Variants in CTR9 observed in about 807,000 individuals in gnomAD.
The protein encoded by CTR9 is RNA polymerase-associated protein CTR9 homolog.
Under a neutral mutation model 152.1 loss-of-function variants are expected in CTR9, and 41 were observed. The observed-to-expected ratio is 0.27, with a 90% CI of 0.21 to 0.35. CTR9 has a LOEUF of 0.35. Among genes scored for constraint, CTR9 ranks in the 10% least tolerant of loss-of-function variants. The pLI is 1.00. For synonymous variants in CTR9, 476 were observed against 496.2 expected (o/e 0.96, Z 0.54); for missense variants, 917 against 1,424.4 (o/e 0.64, Z 5.73).
In CTR9 at chr11:10,767,638, G is replaced by A. The variant is rs906028904; in HGVS notation, c.1687-168G>A. On this transcript the variant is annotated intron_variant, in intron 13 of 24. Transcript: ENST00000361367. This position sits in a 1 kb window ranked among gnomAD's most constrained non-coding sequence, Gnocchi z 4.0. ...AACTTAGCTTTAGCATTAGTAGTTC[G>A]ATAAATTTGGATTGCCATGCAAAAA... The A allele has an allele frequency of 4.6e-6, 3 of 647,622 alleles. No individual in the cohort carries two copies. The highest frequency in any genetic ancestry group is 5.4e-6 in the Non-Finnish European group (2 of 373,808). 40.1% of individuals were successfully genotyped at this position (647,622 alleles called of 1,614,324 possible).
At chr11:10,756,962 G>GTT in intron 5 of CTR9, 124 bp downstream of exon 5, 144 of 655,114 alleles carry the variant, frequency 2.2e-4, no homozygotes, top group Admixed American at 4.6e-4. Context: ...TCAGAATCAA[G>GTT]TTTTTTTTTT....
chr11:10,761,376 T>TGC (rs143592522), intron 6 of CTR9, among the ~76,000 whole-genome samples: 2 of 152,252 alleles, frequency 1.3e-5, no homozygotes, highest in South Asian at 4.2e-4. Flanking sequence ...TAGCAGGATG[T>TGC]TACCAACCCA....
intron 5 of CTR9, among the ~76,000 whole-genome samples, chr11:10,758,130 G>C (rs1055607990): frequency 6.6e-6 from 1 of 152,184 alleles, no homozygotes; most frequent in Non-Finnish European, 1.5e-5. Context: ...ACCAGGGACT[G>C]ACTAATCACG....
intron 19 of CTR9, 154 bp from the exon 20 acceptor site, chr11:10,772,366 A>G (rs1241921299): frequency 1.5e-5 from 9 of 605,738 alleles, no homozygotes; most frequent in Non-Finnish European, 1.7e-5. Context: ...TAAACAAAAA[A>G]GGAAGAAAAA....
intron 9 of CTR9, 84 bp downstream of exon 9, chr11:10,763,963 A>C: frequency 7.5e-7 from 1 of 1,327,550 alleles, no homozygotes; most frequent in Admixed American, 2.0e-5. Context: ...TTGCTAGTAG[A>C]AATATGATAG....
intron 7 of CTR9, among the ~76,000 whole-genome samples, chr11:10,762,462 G>T (rs1037523152): frequency 1.3e-5 from 2 of 152,190 alleles, no homozygotes; most frequent in African/African-American, 4.8e-5. Flanking sequence ...TTTTGAACTA[G>T]GTTTTTAGGA....
rs780976546 is a variant in CTR9 at position 10,764,614 on chromosome 11, G to A, written c.1480G>A (p.Ala494Thr). ...GGAACACGATGAGCATTACTATAAC[G>A]CCATTTCCGTTACCACGTCATATAA... ...EAEHDEHYYN[A>T]ISVTTSYNLA... The change falls in exon 12 of 25, where the codon GCC becomes ACC. Residue 494 changes from alanine (A) to threonine (T), a missense_variant. Coordinates refer to ENST00000361367, the MANE Select transcript of CTR9 (RefSeq NM_014633.5). 12 of 1,613,220 alleles carry A rather than the reference G, an allele frequency of 7.4e-6. No individual in the cohort carries two copies. Among genetic ancestry groups the A allele is most frequent in the African/African-American group, 1.3e-5 (1 of 74,866 alleles).
At chr11:10,751,530 C>T in intron 1 of CTR9, 73 bp downstream of exon 1, 1 of 1,461,388 alleles carries the variant, frequency 6.8e-7, no homozygotes. Flanking sequence ...CGCTCGACTT[C>T]GTTTCTGAAG....
chr11:10,765,170 G>A (rs539062539), intron 12 of CTR9, among the ~76,000 whole-genome samples: 1 of 152,058 alleles, frequency 6.6e-6, no homozygotes, highest in Non-Finnish European at 1.5e-5. Context: ...ATAAAATAAG[G>A]AAAGTTTTTA....
chr11:10,754,401 T>G (rs1177813532), intron 2 of CTR9, among the ~76,000 whole-genome samples: 1 of 152,240 alleles, frequency 6.6e-6, no homozygotes, highest in Non-Finnish European at 1.5e-5. Flanking sequence ...GATTCCAGTT[T>G]TTTAAACAGT....
intron 12 of CTR9, among the ~76,000 whole-genome samples, 159 bp downstream of exon 12, chr11:10,764,890 G>A (rs1028793656): frequency 3.9e-5 from 6 of 152,104 alleles, no homozygotes; most frequent in Non-Finnish European, 8.8e-5. Context: ...AAACAAAGGT[G>A]CAGCTTTACT....
In CTR9 at chr11:10,751,372, G is replaced by T. The variant is rs775678111; in HGVS notation, c.-41G>T. 6 of 1,575,834 alleles carry T rather than the reference G, an allele frequency of 3.8e-6. No homozygotes were observed. In the South Asian group the frequency reaches 7.2e-5, roughly 19 times the overall value. On this transcript the variant is annotated 5_prime_UTR_variant, in exon 1 of 25. Transcript: ENST00000361367. ...CCTGAAGCGGAGACTACCGGCTGCG[G>T]AGCGGCGGGGCGAGACACTTGCTCG...
chr11:10,751,394 C>A lies in CTR9; in HGVS notation c.-19C>A. ...GCGGAGCGGCGGGGCGAGACACTTGCTCGCCTTTTGACCCCATCATGTCGC... is the reference window on the plus strand; with the variant it reads ...GCGGAGCGGCGGGGCGAGACACTTGATCGCCTTTTGACCCCATCATGTCGC... On this transcript the variant is annotated 5_prime_UTR_variant, in exon 1 of 25. Transcript: ENST00000361367. 1 of 1,610,716 alleles carries A rather than the reference C, an allele frequency of 6.2e-7. No homozygotes were observed.
chr11:10,755,285 A>G (rs1862867274), intron 3 of CTR9, 88 bp downstream of exon 3: 1 of 1,428,928 alleles, frequency 7.0e-7, no homozygotes, highest in African/African-American at 1.4e-5. Flanking sequence ...TTTTTGAAAG[A>G]GTTTTTCTTC....
At chr11:10,756,701 T>A in intron 4 of CTR9, 48 bp from the exon 5 acceptor site, 1 of 1,331,200 alleles carries the variant, frequency 7.5e-7, no homozygotes, top group South Asian at 1.2e-5. Flanking sequence ...CATAATAGAC[T>A]TGTAGCCTTT....
At chr11:10,773,013 T>TGA (rs1863168831) in intron 20 of CTR9, 114 bp from the exon 21 acceptor site, 1 of 1,214,032 alleles carries the variant, frequency 8.2e-7, no homozygotes, top group South Asian at 1.5e-5. Context: ...GGCAACAGAG[T>TGA]GAGACTCCAT....
At chr11:10,766,196 T>A (rs1863056816) in intron 12 of CTR9, 1 of 538,072 alleles carries the variant, frequency 1.9e-6, no homozygotes, top group Non-Finnish European at 3.2e-6. Context: ...GAGGTAAGTC[T>A]TAGATTTCAA....
chr11:10,778,941 G>A lies in CTR9; in HGVS notation c.3358G>A (p.Asp1120Asn), dbSNP rs752994293. Reference sequence around the variant, plus strand: ...AAGCCACTCAGGAGTTTCTGAGAACGACTCTCGCCCAGCTTCTCCAAGTGC... The same window carrying A: ...AAGCCACTCAGGAGTTTCTGAGAACAACTCTCGCCCAGCTTCTCCAAGTGC... ...GRSHSGVSEN[D>N]SRPASPSAES... The change falls in exon 25 of 25, where the codon GAC becomes AAC. Residue 1120 changes from aspartate to asparagine, a missense_variant. By Grantham distance (23) the Asp-to-Asn change is conservative. Coordinates refer to ENST00000361367, the MANE Select transcript of CTR9 (RefSeq NM_014633.5). 45 of 1,614,000 alleles carry A rather than the reference G, an allele frequency of 2.8e-5. No homozygotes were observed. The highest frequency in any genetic ancestry group is 5.0e-5 in the Admixed American group (3 of 59,996).
intron 19 of CTR9, among the ~76,000 whole-genome samples, chr11:10,772,296 G>A (rs1480031205): frequency 6.6e-6 from 1 of 152,066 alleles, no homozygotes; most frequent in Non-Finnish European, 1.5e-5. Context: ...GGAGGTTGCG[G>A]TGAGCCGAGA....
Sources: gnomAD v4.1 joint callset for allele counts (sites outside exome capture counted in the v4.1 genomes callset) on GRCh38, gnomAD v4.1.1 for gene constraint, Gnocchi (gnomAD v3.1) non-coding constraint, MANE v1.5 for transcripts, NCBI Gene and HGNC (gene_info 2026-07-23, HGNC 2026-07-21) for gene names.